Variants in RPF2 observed in about 807,000 individuals in gnomAD.
RPF2 encodes brix domain containing 1.
A neutral mutation model predicts 38.9 loss-of-function variants in RPF2; 21 were observed. The ratio of observed to expected loss-of-function variants is 0.54; its 90% CI spans 0.38 to 0.78. The LOEUF (loss-of-function observed/expected upper bound fraction) is 0.78, where lower values mean the gene tolerates loss of function less well. RPF2 is among the 30% of genes least tolerant of loss of function. RPF2 has a pLI of 0.00. For synonymous variants in RPF2, 121 were observed against 126.2 expected (o/e 0.96, Z 0.28); for missense variants, 314 against 358.1 (o/e 0.88, Z 0.99).
At chr6:111,021,656 C>G (rs1772236894) in intron 8 of RPF2, among the ~76,000 whole-genome samples, 1 of 152,128 alleles carries the variant, frequency 6.6e-6, no homozygotes, top group South Asian at 2.1e-4. Flanking sequence ...ATTCTGAGGT[C>G]CCCCTAAGAT....
rs949330838 is a variant in RPF2 at position 111,020,332 on chromosome 6, C to T, written c.597-3851C>T. The stretch of plus-strand genomic sequence containing the variant: ...CCGCATTCAAGCGATTCTCCTGCCT[C>T]GGGTGGGTATGTATGCCCTCTGTGT... On this transcript the variant is annotated intron_variant, in intron 8 of 9. Coordinates refer to ENST00000441448, the MANE Select transcript of RPF2 (RefSeq NM_032194.3). Among the ~76,000 whole-genome samples, 4 of 152,228 alleles carry T rather than the reference C, an allele frequency of 2.6e-5. No homozygotes were observed. The East Asian group carries it at 5.8e-4, about 22-fold the overall frequency.
In RPF2 at chr6:111,005,614, A is replaced by G. The variant is rs1771894466; in HGVS notation, c.394-2424A>G. Among the ~76,000 whole-genome samples, 5 of 152,216 alleles carry G rather than the reference A, an allele frequency of 3.3e-5. No homozygotes were observed. The South Asian group carries it at 1.0e-3, about 32-fold the overall frequency. On this transcript the variant is annotated intron_variant, in intron 6 of 9. Transcript: ENST00000441448. ...ATGTGAATGTCCAGCTGGTAGTTTA[A>G]TTTAGCCTTCATTTTATTTTTATTT...
At chr6:111,003,562 T>C (rs970760298) in intron 6 of RPF2, among the ~76,000 whole-genome samples, 1 of 152,180 alleles carries the variant, frequency 6.6e-6, no homozygotes, top group Non-Finnish European at 1.5e-5. Flanking sequence ...GTGAGTATTC[T>C]AGGAGCCTGT....
At chr6:110,993,907 GCAAAAA>G in intron 4 of RPF2, among the ~76,000 whole-genome samples, 1 of 152,228 alleles carries the variant, frequency 6.6e-6, no homozygotes, top group South Asian at 2.1e-4. Flanking sequence ...AGAGGGGTTG[GCAAAAA>G]TATACTGCTT....
rs916621835 is a variant in RPF2 at position 110,988,958 on chromosome 6, T to C, written c.157-70T>C. The C allele has an allele frequency of 3.2e-6, 5 of 1,540,108 alleles. No homozygotes were observed. The African/African-American group carries it at 4.1e-5, about 13-fold the overall frequency. The stretch of plus-strand genomic sequence containing the variant: ...GAGCAATCTTGGAGAGTGACTGTTA[T>C]GATGCTTTATTTTTATTTCTGCTTT... On this transcript the variant is annotated intron_variant, in intron 2 of 9. Transcript: ENST00000441448.
intron 8 of RPF2, among the ~76,000 whole-genome samples, chr6:111,020,617 T>C (rs1772215044): frequency 6.6e-6 from 1 of 152,054 alleles, no homozygotes; most frequent in Non-Finnish European, 1.5e-5. Flanking sequence ...ATCCAGTACT[T>C]TGGGAGGCCA....
At chr6:111,004,860 C>T (rs1306109131) in intron 6 of RPF2, among the ~76,000 whole-genome samples, 5 of 152,192 alleles carry the variant, frequency 3.3e-5, no homozygotes, top group South Asian at 2.1e-4. Context: ...TGAGCCACCA[C>T]GCCCGGCCAA....
intron 8 of RPF2, among the ~76,000 whole-genome samples, chr6:111,022,225 C>T (rs71562269): frequency 4.6e-5 from 7 of 152,102 alleles, no homozygotes; most frequent in Non-Finnish European, 1.0e-4. Flanking sequence ...TTAATGAAAA[C>T]AGACTTTCAG....
intron 6 of RPF2, among the ~76,000 whole-genome samples, chr6:111,003,577 T>G (rs981808740): frequency 2.0e-5 from 3 of 152,182 alleles, no homozygotes; most frequent in African/African-American, 7.2e-5. Context: ...GCCTGTTTCC[T>G]CAAGATGGCC....
intron 8 of RPF2, among the ~76,000 whole-genome samples, chr6:111,016,321 G>A (rs985803282): frequency 6.6e-6 from 1 of 152,176 alleles, no homozygotes; most frequent in Non-Finnish European, 1.5e-5. Context: ...GGCCGAGCAT[G>A]GTGGCTCACA....
chr6:110,983,742 T>C lies in RPF2; in HGVS notation c.24-1264T>C, dbSNP rs569739233. Among the ~76,000 whole-genome samples the C allele has an allele frequency of 1.5e-4, 23 of 151,696 alleles. No individual in the cohort carries two copies. In the South Asian group the frequency reaches 3.3e-3, roughly 22 times the overall value. ...ATCTGTAAAGTGAAGATAAGAATTGTAACTCGCGCGTGGAGGCTCACGCCT... is the reference window on the plus strand; with the variant it reads ...ATCTGTAAAGTGAAGATAAGAATTGCAACTCGCGCGTGGAGGCTCACGCCT... On this transcript the variant is annotated intron_variant, in intron 1 of 9. Transcript: ENST00000441448.
rs573114177 is a variant in RPF2 at position 111,017,587 on chromosome 6, G to A, written c.596+1731G>A. On this transcript the variant is annotated intron_variant, in intron 8 of 9. Coordinates refer to ENST00000441448, the MANE Select transcript of RPF2 (RefSeq NM_032194.3). ...CACCTCCCAGATGGGGTCGCGGCCG[G>A]GCAGAGGCGCTCCTCACATCCCAGA... 1.3e-4 allele frequency among the ~76,000 whole-genome samples: 20 copies of A among 151,878 alleles called. No individual in the cohort carries two copies. The South Asian group carries it at 4.0e-3, about 30-fold the overall frequency.
chr6:110,996,911 C>T (rs1031465511), intron 4 of RPF2, among the ~76,000 whole-genome samples: 1 of 152,140 alleles, frequency 6.6e-6, no homozygotes, highest in Non-Finnish European at 1.5e-5. Flanking sequence ...AAGCGATTCT[C>T]GTGCCTCAGC....
chr6:110,992,779 TAAG>T (rs1771641985), intron 4 of RPF2, among the ~76,000 whole-genome samples: 1 of 152,144 alleles, frequency 6.6e-6, no homozygotes, highest in East Asian at 1.9e-4. Context: ...GTTTCTTCCT[TAAG>T]AAAATCATCA....
intron 4 of RPF2, among the ~76,000 whole-genome samples, chr6:110,992,793 G>A (rs1771642104): frequency 6.6e-6 from 1 of 152,002 alleles, no homozygotes; most frequent in South Asian, 2.1e-4. Context: ...AAAATCATCA[G>A]GGGCCAGACA....
chr6:111,020,717 C>T (rs976407276), intron 8 of RPF2, among the ~76,000 whole-genome samples: 4 of 151,812 alleles, frequency 2.6e-5, no homozygotes, highest in African/African-American at 4.8e-5. Context: ...AAAAATTAGC[C>T]GGGCAACATG....
At chr6:110,994,153 A>G (rs918602116) in intron 4 of RPF2, among the ~76,000 whole-genome samples, 1 of 152,086 alleles carries the variant, frequency 6.6e-6, no homozygotes, top group Non-Finnish European at 1.5e-5. Flanking sequence ...GCACATGCCT[A>G]TAATTCCAGC....
At chr6:110,984,018 G>C (rs113784171) in intron 1 of RPF2, among the ~76,000 whole-genome samples, 4 of 152,096 alleles carry the variant, frequency 2.6e-5, no homozygotes, top group African/African-American at 9.7e-5. Context: ...GACAGAGCGA[G>C]ACTCTGTCTC....
chr6:110,990,137 C>T (rs1184457501), intron 3 of RPF2, among the ~76,000 whole-genome samples: 3 of 151,816 alleles, frequency 2.0e-5, no homozygotes, highest in Admixed American at 6.6e-5. Flanking sequence ...GGGATTTCTC[C>T]ATGTTGGTCA....
Sources: allele counts gnomAD v4.1 joint callset (sites outside exome capture counted in the v4.1 genomes callset), GRCh38; gene constraint gnomAD v4.1.1; transcripts MANE v1.5; gene names NCBI Gene and HGNC (gene_info 2026-07-23, HGNC 2026-07-21).